DSC3: variants seen among roughly 807,000 people sequenced by gnomAD.
DSC3 encodes desmocollin 3.
A neutral mutation model predicts 89.5 loss-of-function variants in DSC3; 97 were observed. The ratio of observed to expected loss-of-function variants is 1.08; its 90% CI spans 0.92 to 1.28. DSC3 has a LOEUF of 1.28. Ranked by LOEUF, DSC3 falls within the 50% of genes most tolerant of loss-of-function variation. DSC3 has a pLI of 0.00. For missense variants in DSC3, 1,199 were observed against 1,085.3 expected, an observed-to-expected ratio of 1.10 and a Z score of -1.47; for synonymous variants, 436 against 384.1, an observed-to-expected ratio of 1.14 and a Z score of -1.58.
chr18:31,035,031 T>C lies in DSC3; in HGVS notation c.70-2755A>G, dbSNP rs79984818. On this transcript the variant is annotated intron_variant, in intron 1 of 15. Transcript: ENST00000360428. ...GACTTTCCACAATCACTTCTAGAAA[T>C]TGGCAGTGAAAGGCCTTGTCAAATT... Among the ~76,000 whole-genome samples, 1,158 of 152,232 alleles carry C rather than the reference T, an allele frequency of 7.6e-3. 18 individuals are homozygous for C. The highest frequency in any genetic ancestry group is 0.027 in the African/African-American group (1,119 of 41,552).
chr18:31,018,363 T>C, intron 8 of DSC3, 107 bp from the exon 9 acceptor site: 1 of 875,562 alleles, frequency 1.1e-6, no homozygotes, highest in Non-Finnish European at 1.7e-6. Context: ...TTTATATAGA[T>C]TATTTTAAAA....
chr18:30,998,560 A>T (rs1471414187), intron 14 of DSC3, among the ~76,000 whole-genome samples: 1 of 152,214 alleles, frequency 6.6e-6, no homozygotes, highest in Non-Finnish European at 1.5e-5. Context: ...AGTTGAGGCC[A>T]TGGGAATAGA....
At chr18:31,011,837 C>CA (rs1433150408) in intron 9 of DSC3, among the ~76,000 whole-genome samples, 19 of 149,678 alleles carry the variant, frequency 1.3e-4, no homozygotes, top group Non-Finnish European at 2.5e-4. Flanking sequence ...TACTAAAATA[C>CA]AAAAAATTAG....
intron 1 of DSC3, among the ~76,000 whole-genome samples, chr18:31,034,554 A>C (rs1985910230): frequency 6.6e-6 from 1 of 152,234 alleles, no homozygotes; most frequent in South Asian, 2.1e-4. Context: ...CTAAGTCCAC[A>C]CAAAAACTTG....
intron 7 of DSC3, 37 bp from the exon 8 acceptor site, chr18:31,018,837 A>T (rs1457762226): frequency 2.2e-5 from 35 of 1,606,836 alleles, no homozygotes; most frequent in Middle Eastern, 3.6e-4. Flanking sequence ...GTCTTGAAAA[A>T]TTTTTGGTAG....
At chr18:31,042,082 G>A (rs276925) in intron 1 of DSC3, among the ~76,000 whole-genome samples, 58,803 of 151,744 alleles carry the variant, frequency 0.39, 11,991 homozygotes, top group East Asian at 0.69. Flanking sequence ...CTCAGGGGCA[G>A]CCCCACCAAG....
intron 4 of DSC3, among the ~76,000 whole-genome samples, chr18:31,026,895 C>T (rs1426348965): frequency 2.0e-5 from 3 of 152,098 alleles, no homozygotes; most frequent in Admixed American, 1.3e-4. Context: ...CTGTTGGACA[C>T]AGAGGTGAGC....
At chr18:31,011,664 A>AT (rs1161892849) in intron 9 of DSC3, among the ~76,000 whole-genome samples, 7 of 152,086 alleles carry the variant, frequency 4.6e-5, no homozygotes, top group Non-Finnish European at 1.0e-4. Context: ...ACAGTGTTTG[A>AT]TTTTCAAATA....
At chr18:31,032,687 C>T (rs1376164469) in intron 1 of DSC3, among the ~76,000 whole-genome samples, 3 of 151,762 alleles carry the variant, frequency 2.0e-5, no homozygotes, top group Non-Finnish European at 4.4e-5. Context: ...CCTCCACCTC[C>T]CAGCTTCAAG....
At chr18:31,011,969 C>CAAAAAA (rs371759932) in intron 9 of DSC3, among the ~76,000 whole-genome samples, 10 of 51,578 alleles carry the variant, frequency 1.9e-4, no homozygotes, top group African/African-American at 2.6e-4. Flanking sequence ...ACTCCATCTC[C>CAAAAAA]AAAAAAAAAA....
chr18:30,996,108 G>T (rs959418222), intron 15 of DSC3, among the ~76,000 whole-genome samples: 1 of 149,324 alleles, frequency 6.7e-6, no homozygotes, highest in Non-Finnish European at 1.5e-5. Context: ...TAAAATAAAA[G>T]CACTTTACAT....
Position 30,996,919 on chromosome 18 carries a change from A to G in DSC3, c.2365T>C (p.Leu789=). 6.2e-7 allele frequency: 1 copy of G among 1,613,968 alleles called. No individual in the cohort carries two copies. Among genetic ancestry groups the G allele is most frequent in the Non-Finnish European group, 8.5e-7 (1 of 1,180,000 alleles). ...TGCCCAGCCCCCCGGCAGGATTCCA[A>G]GGTCTGGTTTCCTCCTTTCATCATT... The part of the protein sequence containing the change: ...IEMMKGGNQT[L]ESCRGAGHHH... Residue 789 remains leucine (L), a synonymous_variant, in exon 15 of 16, where the codon TTG becomes CTG. Coordinates refer to ENST00000360428, the MANE Select transcript of DSC3 (RefSeq NM_001941.5).
rs551346477 is a variant in DSC3 at position 30,993,059 on chromosome 18, T to C, written c.*1116A>G. Reference sequence around the variant, plus strand: ...GTAAGATCCTCCCCTCAGCTCCCTCTAGCCTCTAAACTCTAGGAGGACATG... The same window carrying C: ...GTAAGATCCTCCCCTCAGCTCCCTCCAGCCTCTAAACTCTAGGAGGACATG... On this transcript the variant is annotated 3_prime_UTR_variant, in exon 16 of 16. Coordinates refer to ENST00000360428, the MANE Select transcript of DSC3 (RefSeq NM_001941.5). 209 of 152,400 alleles carry C rather than the reference T, an allele frequency of 1.4e-3. 1 individual carries two copies. Among genetic ancestry groups the C allele is most frequent in the African/African-American group, 5.0e-3 (206 of 41,574 alleles). The allele number at this position is 152,400 out of a possible 1,614,324, so 9.4% of individuals were successfully genotyped here.
At chr18:31,018,874 A>G (rs1985324615) in intron 7 of DSC3, 74 bp from the exon 8 acceptor site, 2 of 1,293,752 alleles carry the variant, frequency 1.5e-6, no homozygotes, top group African/African-American at 3.3e-5. Context: ...TCAATTGCAC[A>G]CTCACTCACT....
rs1303417220 is a variant in DSC3 at position 31,025,747 on chromosome 18, A to G, written c.630+13T>C. The G allele has an allele frequency of 6.2e-7, 1 of 1,612,272 alleles. No individual in the cohort carries two copies. On this transcript the variant is annotated intron_variant, in intron 5 of 15. Coordinates refer to ENST00000360428, the MANE Select transcript of DSC3 (RefSeq NM_001941.5). ...TAATAATTTAAAGTCAGGCATATCA[A>G]TAAAAGTCCTACATCAAAAACATCA...
chr18:31,029,592 T>C lies in DSC3; in HGVS notation c.391A>G (p.Arg131Gly), dbSNP rs765097805. 3 of 1,613,262 alleles carry C rather than the reference T, an allele frequency of 1.9e-6. No homozygotes were observed. Among genetic ancestry groups the C allele is most frequent in the Non-Finnish European group, 2.5e-6 (3 of 1,179,294 alleles). ...GGTGCCCATCTCCTCTTGGCACGCC[T>C]GAGAACAGTTTCTCTAGTGTGTCTT... Reference protein sequence around the residue: ...KTRHTRETVLRRAKRRWAPIP... With the variant: ...KTRHTRETVLGRAKRRWAPIP... Residue 131 changes from arginine to glycine, a missense_variant, in exon 4 of 16, where the codon AGG becomes GGG. Arg to Gly is a moderately radical substitution (Grantham distance 125). Coordinates refer to ENST00000360428, the MANE Select transcript of DSC3 (RefSeq NM_001941.5).
rs1258918852 is a variant in DSC3 at position 30,993,440 on chromosome 18, A to C, written c.*735T>G. 6.6e-6 allele frequency: 1 copy of C among 152,220 alleles called. No homozygotes were observed. The highest frequency in any genetic ancestry group is 1.5e-5 in the Non-Finnish European group (1 of 68,040). The allele number at this position is 152,220 out of a possible 1,614,324, so 9.4% of individuals were successfully genotyped here. A position where few individuals can be genotyped will look rare whatever the true frequency, so the allele number is the denominator to read the frequency against. On this transcript the variant is annotated 3_prime_UTR_variant, in exon 16 of 16. Transcript: ENST00000360428. ...ACAGGAACTATTTCCTCATAGACTC[A>C]GTTATAATGCAGCATTTAAGAGCCC... is the stretch of plus-strand genomic sequence containing the variant.
chr18:31,017,769 T>C (rs1985282715), intron 9 of DSC3, among the ~76,000 whole-genome samples: 1 of 151,964 alleles, frequency 6.6e-6, no homozygotes, highest in Non-Finnish European at 1.5e-5. Flanking sequence ...ATAGAAAAAA[T>C]AACCTGGACA....
At position 31,004,293 on chromosome 18, in the gene DSC3, G is replaced by C. The variant is rs549782185; in HGVS notation, c.1962C>G (p.Asp654Glu). The change falls in exon 13 of 16, where the codon GAC becomes GAG. Residue 654 changes from aspartate to glutamate, a missense_variant. Coordinates refer to ENST00000360428, the MANE Select transcript of DSC3 (RefSeq NM_001941.5). ...ATTTTGTTGCAGCTTGGCCGGCCCT[G>C]TCTTTTACAGTAATAGGAATGGTAT... ...QEYTIPITVK[D>E]RAGQAATKLL... 1 of 1,614,034 alleles carries C rather than the reference G, an allele frequency of 6.2e-7. No individual in the cohort carries two copies. The highest frequency in any genetic ancestry group is 1.3e-5 in the African/African-American group (1 of 75,038).
Sources: allele counts gnomAD v4.1 joint callset (sites outside exome capture counted in the v4.1 genomes callset), GRCh38; gene constraint gnomAD v4.1.1; transcripts MANE v1.5; gene names NCBI Gene and HGNC (gene_info 2026-07-23, HGNC 2026-07-21).